The following CDH9 variants were observed in gnomAD, a reference collection of about 807,000 sequenced individuals.
The protein encoded by CDH9 is cadherin-9.
Under a neutral mutation model 70.9 loss-of-function variants are expected in CDH9, and 28 were observed. The ratio of observed to expected loss-of-function variants is 0.40; its 90% confidence interval spans 0.29 to 0.54. The LOEUF is 0.54. Among genes scored for constraint, CDH9 ranks in the 20% least tolerant of loss-of-function variants. The pLI is 0.59. For missense variants in CDH9, 874 were observed against 984.4 expected (o/e 0.89, Z 1.50); for synonymous variants, 409 against 343.1 (o/e 1.19, Z -2.12).
intron 1 of CDH9, among the ~76,000 whole-genome samples, chr5:26,999,088 T>C (rs1180020296): frequency 3.3e-5 from 5 of 151,856 alleles, no homozygotes; most frequent in African/African-American, 7.3e-5. Context: ...CTACTAAAAA[T>C]ACAAAACTTA....
chr5:26,998,167 C>T (rs79281196), intron 1 of CDH9, among the ~76,000 whole-genome samples: 26,251 of 152,086 alleles, frequency 0.17, 2,981 homozygotes, highest in Non-Finnish European at 0.25. Context: ...ATAGAAACAA[C>T]CAATGCCCAA....
At chr5:26,909,877 C>T (rs920754575) in intron 3 of CDH9, among the ~76,000 whole-genome samples, 4 of 151,646 alleles carry the variant, frequency 2.6e-5, no homozygotes, top group Admixed American at 2.0e-4. Flanking sequence ...ATAAATAATT[C>T]GGTGGCTAAA....
At chr5:26,941,289 T>C (rs1304855625) in intron 2 of CDH9, among the ~76,000 whole-genome samples, 1 of 152,210 alleles carries the variant, frequency 6.6e-6, no homozygotes, top group East Asian at 1.9e-4. Flanking sequence ...AGGCATACAT[T>C]TGCTATGTCA....
chr5:26,884,665 A>T (rs1740529946), intron 11 of CDH9, among the ~76,000 whole-genome samples: 1 of 152,184 alleles, frequency 6.6e-6, no homozygotes, highest in Non-Finnish European at 1.5e-5. Context: ...TCCTGCAAGG[A>T]TATCTGGCCA....
At chr5:26,965,574 TTAA>T (rs59563835) in intron 2 of CDH9, among the ~76,000 whole-genome samples, 3,594 of 146,626 alleles carry the variant, frequency 0.025, 93 homozygotes, top group African/African-American at 0.066. Flanking sequence ...AGACTCTGTC[TTAA>T]TAATAATAAT....
chr5:26,946,145 A>G (rs1432165859), intron 2 of CDH9, among the ~76,000 whole-genome samples: 3 of 152,138 alleles, frequency 2.0e-5, no homozygotes, highest in Non-Finnish European at 4.4e-5. Flanking sequence ...GATAACTTGA[A>G]AGTTTCTAGC....
intron 2 of CDH9, among the ~76,000 whole-genome samples, chr5:26,927,617 A>G (rs1333256291): frequency 1.3e-5 from 2 of 151,950 alleles, no homozygotes; most frequent in African/African-American, 4.8e-5. Context: ...ATAAAAACCA[A>G]TCAGCTACTG....
chr5:26,890,544 G>T lies in CDH9; in HGVS notation c.1274C>A (p.Thr425Asn). 2.5e-6 allele frequency: 4 copies of T among 1,607,582 alleles called. No homozygotes were observed. The highest frequency in any genetic ancestry group is 3.4e-6 in the Non-Finnish European group (4 of 1,174,228). The change falls in exon 8 of 12, where the codon ACT becomes AAT. Residue 425 changes from threonine (T) to asparagine (N), a missense_variant. Coordinates refer to ENST00000231021, the MANE Select transcript of CDH9 (RefSeq NM_016279.4). Reference protein sequence around the residue: ...NLIKYSVDRHTDMDRIFGIHS... With the variant: ...NLIKYSVDRHNDMDRIFGIHS... ...AATACCAAAAATACGGTCCATATCA[G>T]TATGCCGATCAACAGAGTACCTGGC...
chr5:26,944,561 G>A (rs1193949904), intron 2 of CDH9, among the ~76,000 whole-genome samples: 1 of 152,126 alleles, frequency 6.6e-6, no homozygotes, highest in Non-Finnish European at 1.5e-5. Context: ...CCTGAGACAG[G>A]AGGATTGCTT....
Position 27,026,238 on chromosome 5 carries a change from T to C in CDH9, c.-50+12225A>G, listed in dbSNP as rs1048675087. Among the ~76,000 whole-genome samples the C allele has an allele frequency of 8.6e-5, 13 of 152,032 alleles. No homozygotes were observed. The South Asian group carries it at 1.7e-3, about 19-fold the overall frequency. On this transcript the variant is annotated intron_variant, in intron 1 of 11. Coordinates refer to ENST00000231021, the MANE Select transcript of CDH9 (RefSeq NM_016279.4). ...GAAAGTGTCCAGTTCACATTCTTAT[T>C]ATATGTTTATAATTGCTGAGATAAG...
chr5:26,969,602 G>A (rs960432920), intron 2 of CDH9, among the ~76,000 whole-genome samples: 9 of 151,980 alleles, frequency 5.9e-5, no homozygotes, highest in Non-Finnish European at 1.2e-4. Context: ...ATATGTTCCT[G>A]CTCTCAATGC....
intron 2 of CDH9, among the ~76,000 whole-genome samples, chr5:26,955,064 A>C (rs749360432): frequency 7.2e-5 from 11 of 152,310 alleles, no homozygotes; most frequent in South Asian, 4.1e-4. Context: ...AATTTTTCAT[A>C]GATTGTTTAG....
chr5:26,916,801 C>G (rs944675258), intron 2 of CDH9, among the ~76,000 whole-genome samples: 12 of 151,912 alleles, frequency 7.9e-5, no homozygotes, highest in Non-Finnish European at 1.5e-4. Context: ...CTATACGACT[C>G]TGAGAGAATA....
At chr5:26,933,239 C>A (rs984259506) in intron 2 of CDH9, among the ~76,000 whole-genome samples, 12 of 150,116 alleles carry the variant, frequency 8.0e-5, no homozygotes, top group African/African-American at 2.7e-4. Flanking sequence ...AAAATTTCAC[C>A]TTGGGAGACT....
At chr5:26,996,501 G>T (rs1742667955) in intron 1 of CDH9, among the ~76,000 whole-genome samples, 1 of 151,866 alleles carries the variant, frequency 6.6e-6, no homozygotes, top group Admixed American at 6.6e-5. Context: ...GGGGAGACAA[G>T]TCTTGACAGC....
intron 1 of CDH9, among the ~76,000 whole-genome samples, chr5:27,023,827 G>A (rs904240035): frequency 7.2e-5 from 11 of 151,906 alleles, no homozygotes; most frequent in African/African-American, 2.4e-4. Flanking sequence ...TGAGGCCAGC[G>A]GATCACCTGA....
At chr5:26,957,409 C>T (rs1741965023) in intron 2 of CDH9, among the ~76,000 whole-genome samples, 1 of 152,084 alleles carries the variant, frequency 6.6e-6, no homozygotes, top group Non-Finnish European at 1.5e-5. Flanking sequence ...CATCTGTAAT[C>T]GTAGCACTTT....
At chr5:26,904,315 G>A (rs1307672813) in intron 5 of CDH9, among the ~76,000 whole-genome samples, 1 of 151,480 alleles carries the variant, frequency 6.6e-6, no homozygotes, top group East Asian at 1.9e-4. Context: ...ATATCTTTTA[G>A]TGGGGCATGG....
intron 2 of CDH9, among the ~76,000 whole-genome samples, chr5:26,984,208 G>T (rs939616989): frequency 6.6e-6 from 1 of 152,096 alleles, no homozygotes; most frequent in East Asian, 1.9e-4. Context: ...AGGTAACTCT[G>T]CAATAAAGAT....
Sources: gnomAD v4.1 joint callset for allele counts (sites outside exome capture counted in the v4.1 genomes callset) on GRCh38, gnomAD v4.1.1 for gene constraint, MANE v1.5 for transcripts, NCBI Gene and HGNC (gene_info 2026-07-23, HGNC 2026-07-21) for gene names.